The following CLEC12A variants were observed in gnomAD, a reference collection of about 807,000 sequenced individuals.
The protein encoded by CLEC12A is C-type lectin protein CLL-1.
A neutral mutation model predicts 26.5 loss-of-function variants in CLEC12A; 22 were observed. The observed-to-expected ratio is 0.83, with a 90% confidence interval of 0.59 to 1.19. The LOEUF (loss-of-function observed/expected upper bound fraction) is 1.19, where lower values mean the gene tolerates loss of function less well. Ranked by LOEUF, CLEC12A falls within the 50% of genes most tolerant of loss-of-function variation. CLEC12A has a pLI of 0.00. For synonymous variants in CLEC12A, 119 were observed against 101.9 expected (o/e 1.17, Z -1.01); for missense variants, 353 against 315.6 (o/e 1.12, Z -0.90).
chr12:9,975,396 G>A (rs1208357164), intron 1 of CLEC12A, among the ~76,000 whole-genome samples: 4 of 152,190 alleles, frequency 2.6e-5, no homozygotes, highest in East Asian at 1.9e-4. Context: ...TGAGGAATTT[G>A]TTGGGAACGG....
intron 3 of CLEC12A, 42 bp downstream of exon 3, chr12:9,979,566 C>A: frequency 7.1e-7 from 1 of 1,412,968 alleles, no homozygotes; most frequent in Non-Finnish European, 9.8e-7. Flanking sequence ...GGACAATAAA[C>A]TAAACCACTG....
chr12:9,990,235 T>A (rs1164540737), downstream of CLEC12A, among the ~76,000 whole-genome samples: 1 of 152,210 alleles, frequency 6.6e-6, no homozygotes, highest in Non-Finnish European at 1.5e-5. Flanking sequence ...CATAAGGCTA[T>A]AACTCCCACA....
intron 1 of CLEC12A, among the ~76,000 whole-genome samples, chr12:9,977,294 G>A (rs1477185460): frequency 6.6e-6 from 1 of 152,086 alleles, no homozygotes; most frequent in African/African-American, 2.4e-5. Flanking sequence ...TACTGTAACA[G>A]ATTTCTTACT....
chr12:9,996,951 A>G (rs2137241612), downstream of CLEC12A: 3 of 1,614,108 alleles, frequency 1.9e-6, no homozygotes, highest in South Asian at 2.2e-5. Flanking sequence ...CATAGCAGCT[A>G]TCTCCATAAT....
downstream of CLEC12A, chr12:9,985,989 A>G (rs79770692): frequency 0.012 from 2,497 of 204,502 alleles, 63 homozygotes; most frequent in African/African-American, 0.053. Flanking sequence ...AGCCCTTACA[A>G]TCTTCTGCCC....
chr12:9,962,324 G>T (rs893076078), intron 1 of CLEC12A, among the ~76,000 whole-genome samples: 1 of 145,078 alleles, frequency 6.9e-6, no homozygotes, highest in Non-Finnish European at 1.5e-5. Context: ...CTGTCACTGT[G>T]GTCTCTCAAC....
Position 9,977,347 on chromosome 12 carries a change from T to C in CLEC12A, c.92-1619T>C, listed in dbSNP as rs187913300. ...ATTTTGCCCTCCTAGATTAAATTCT[T>C]CCAGTGGTTTCCCCAAAAATCTAAC... is the stretch of plus-strand genomic sequence containing the variant. On this transcript the variant is annotated intron_variant, in intron 1 of 5. Coordinates refer to ENST00000304361, the MANE Select transcript of CLEC12A (RefSeq NM_138337.6). 7.4e-3 allele frequency among the ~76,000 whole-genome samples: 1,126 copies of C among 152,316 alleles called. 15 individuals are homozygous for C. Among genetic ancestry groups the C allele is most frequent in the Non-Finnish European group, 9.3e-3 (631 of 68,020 alleles).
At chr12:9,970,172 C>G (rs1864074695), upstream of CLEC12A, among the ~76,000 whole-genome samples, 1 of 151,946 alleles carries the variant, frequency 6.6e-6, no homozygotes, top group South Asian at 2.1e-4. Context: ...AATTTAGTTT[C>G]TTTTTATACA....
At chr12:9,986,938 C>T (rs939074135), downstream of CLEC12A, among the ~76,000 whole-genome samples, 10 of 152,104 alleles carry the variant, frequency 6.6e-5, no homozygotes, top group Admixed American at 4.6e-4. Flanking sequence ...AGTAAAATAA[C>T]CAGTGTCTCA....
upstream of CLEC12A, among the ~76,000 whole-genome samples, chr12:9,966,968 C>CTA (rs1399812882): frequency 6.6e-6 from 1 of 150,492 alleles, no homozygotes; most frequent in Non-Finnish European, 1.5e-5. Flanking sequence ...TTAACCTTGA[C>CTA]TATGCCTTTA....
intron 1 of CLEC12A, chr12:9,952,492 G>T (rs1284520406): frequency 3.3e-5 from 5 of 151,180 alleles, no homozygotes; most frequent in African/African-American, 1.3e-4. Context: ...TGGTGCCCAG[G>T]CTGGAGTGCA....
chr12:9,963,805 G>A (rs906705864), intron 1 of CLEC12A, among the ~76,000 whole-genome samples: 1 of 152,174 alleles, frequency 6.6e-6, no homozygotes, highest in Non-Finnish European at 1.5e-5. Context: ...GGGGTGTCTT[G>A]TACCCAGACT....
rs1430409444 is a variant in CLEC12A, at chr12:9,980,435, C to G, written c.380-147C>G. On this transcript the variant is annotated intron_variant, in intron 3 of 5. Coordinates refer to ENST00000304361, the MANE Select transcript of CLEC12A (RefSeq NM_138337.6). ...TTTGGGCAATAGAGCAAGACTCTGTCAAAAAAAAAAAAAGGGGGAAAGAGA... is the reference window on the plus strand; with the variant it reads ...TTTGGGCAATAGAGCAAGACTCTGTGAAAAAAAAAAAAAGGGGGAAAGAGA... The G allele has an allele frequency of 1.9e-5, 12 of 633,902 alleles. No individual in the cohort carries two copies. In the Admixed American group the frequency reaches 4.7e-4, roughly 25 times the overall value. 39.3% of individuals were successfully genotyped at this position (633,902 alleles called of 1,614,324 possible).
At chr12:9,982,270 T>C (rs1565562179) in intron 5 of CLEC12A, 141 bp downstream of exon 5, 1 of 583,854 alleles carries the variant, frequency 1.7e-6, no homozygotes, top group East Asian at 3.3e-5. Context: ...GCTTCTTTGA[T>C]GTATTTTCTA....
downstream of CLEC12A, chr12:9,998,269 A>G: frequency 1.9e-6 from 3 of 1,607,684 alleles, no homozygotes; most frequent in Non-Finnish European, 2.6e-6. Flanking sequence ...TTTCTGGCAG[A>G]GTCAACACTT....
chr12:9,982,426 T>C (rs1403913647), intron 5 of CLEC12A, among the ~76,000 whole-genome samples: 2 of 152,124 alleles, frequency 1.3e-5, no homozygotes, highest in Non-Finnish European at 2.9e-5. Context: ...TAACAAGTAC[T>C]TAATATTGTG....
At chr12:9,987,255 T>A (rs976091346), downstream of CLEC12A, among the ~76,000 whole-genome samples, 2 of 152,164 alleles carry the variant, frequency 1.3e-5, no homozygotes, top group African/African-American at 4.8e-5. Context: ...TATCCCCAGG[T>A]AGCAAGATTC....
At chr12:9,970,799 G>A (rs1163294885), upstream of CLEC12A, among the ~76,000 whole-genome samples, 6 of 152,264 alleles carry the variant, frequency 3.9e-5, no homozygotes, top group Middle Eastern at 6.8e-3. Context: ...CATACTCTCT[G>A]GTGTGGTTTC....
At chr12:9,976,177 T>C (rs1230888991) in intron 1 of CLEC12A, among the ~76,000 whole-genome samples, 1 of 152,168 alleles carries the variant, frequency 6.6e-6, no homozygotes, top group Non-Finnish European at 1.5e-5. Flanking sequence ...TGGGGTACTG[T>C]CCAGTGGAGC....
Sources: allele counts gnomAD v4.1 joint callset (sites outside exome capture counted in the v4.1 genomes callset), GRCh38; gene constraint gnomAD v4.1.1; transcripts MANE v1.5; gene names NCBI Gene and HGNC (gene_info 2026-07-23, HGNC 2026-07-21).